PLB1: variants seen among roughly 807,000 people sequenced by gnomAD.
The protein encoded by PLB1 is phospholipase B1, membrane-associated.
In PLB1, 242 loss-of-function variants were observed where a neutral mutation model predicts 227.4. That is an observed-to-expected ratio of 1.06 (90% confidence interval 0.96 to 1.18). The LOEUF (loss-of-function observed/expected upper bound fraction) is 1.18. Ranked by LOEUF, PLB1 falls within the 50% of genes most tolerant of loss-of-function variation. The pLI is 0.00. For synonymous variants in PLB1, 757 were observed against 682.2 expected, an observed-to-expected ratio of 1.11 and a Z score of -1.71; for missense variants, 1,858 against 1,816.3, an observed-to-expected ratio of 1.02 and a Z score of -0.42.
intron 43 of PLB1, among the ~76,000 whole-genome samples, chr2:28,607,482 C>G (rs990180777): frequency 6.6e-6 from 1 of 152,156 alleles, no homozygotes; most frequent in Non-Finnish European, 1.5e-5. Flanking sequence ...TGCCATCAGC[C>G]CCATCAGGAG....
In PLB1 at chr2:28,643,163, G is replaced by T; in HGVS notation, c.*102G>T. ...ACCAGGACATGCTTCAATGCCTGGT[G>T]CCATAGGAAGCCCAGGGGACAGTCA... is the stretch of plus-strand genomic sequence containing the variant. On this transcript the variant is annotated 3_prime_UTR_variant, in exon 58 of 58. Coordinates refer to ENST00000327757, the MANE Select transcript of PLB1 (RefSeq NM_153021.5). 3 of 1,182,866 alleles carry T rather than the reference G, an allele frequency of 2.5e-6. No homozygotes were observed. In the Middle Eastern group the frequency reaches 8.8e-4, roughly 349 times the overall value. The allele number at this position is 1,182,866 out of a possible 1,614,324, so 73.3% of individuals were successfully genotyped here. A position where few individuals can be genotyped will look rare whatever the true frequency, so the allele number is the denominator to read the frequency against.
Position 28,632,511 on chromosome 2 carries a change from C to T in PLB1, c.4002+371C>T, listed in dbSNP as rs189119873. On this transcript the variant is annotated intron_variant, in intron 55 of 57. Transcript: ENST00000327757. The stretch of plus-strand genomic sequence containing the variant: ...GTCTGTTTAAAAAGAAAATTCCGGC[C>T]GGGTGCAGTGGCTCATGCCTGTAAT... Among the ~76,000 whole-genome samples the T allele has an allele frequency of 2.9e-4, 44 of 152,182 alleles. No individual in the cohort carries two copies. The East Asian group carries it at 6.9e-3, about 24-fold the overall frequency.
chr2:28,540,516 G>A (rs1205050192), intron 12 of PLB1, 75 bp downstream of exon 12: 6 of 1,224,314 alleles, frequency 4.9e-6, no homozygotes, highest in African/African-American at 4.5e-5. Context: ...GGAGTGATAG[G>A]GACAATTAGT....
intron 18 of PLB1, among the ~76,000 whole-genome samples, chr2:28,564,235 C>G (rs887747396): frequency 2.0e-5 from 3 of 152,204 alleles, no homozygotes; most frequent in African/African-American, 4.8e-5. Context: ...GAGCAAGGCC[C>G]TGTCTCTAAA....
At chr2:28,501,315 C>A (rs1382481866) in intron 1 of PLB1, among the ~76,000 whole-genome samples, 2 of 152,152 alleles carry the variant, frequency 1.3e-5, no homozygotes, top group African/African-American at 4.8e-5. Flanking sequence ...TATGACAACA[C>A]CACCAACAAC....
chr2:28,545,701 C>T (rs774159779), intron 14 of PLB1, among the ~76,000 whole-genome samples: 8 of 152,130 alleles, frequency 5.3e-5, no homozygotes, highest in Non-Finnish European at 8.8e-5. Flanking sequence ...CCTCCAGGTG[C>T]GGGGAGGGCG....
intron 6 of PLB1, among the ~76,000 whole-genome samples, chr2:28,527,416 A>T (rs1360651175): frequency 6.6e-6 from 1 of 152,204 alleles, no homozygotes; most frequent in Non-Finnish European, 1.5e-5. Context: ...CAGGAGGAGC[A>T]GGTCTTCCCA....
chr2:28,581,333 A>G (rs967808252), intron 23 of PLB1, among the ~76,000 whole-genome samples: 6 of 151,906 alleles, frequency 3.9e-5, no homozygotes, highest in African/African-American at 1.5e-4. Flanking sequence ...AGGCTCCAAG[A>G]AAAAGAGATC....
At chr2:28,598,074 C>T (rs760675420) in intron 34 of PLB1, 26 bp downstream of exon 34, 1 of 1,598,910 alleles carries the variant, frequency 6.3e-7, no homozygotes, top group Non-Finnish European at 8.6e-7. Flanking sequence ...GGGCTTGAAT[C>T]TGTCTACTGT....
chr2:28,512,852 G>A (rs1041712962), intron 1 of PLB1, among the ~76,000 whole-genome samples: 19 of 152,088 alleles, frequency 1.2e-4, no homozygotes, highest in Admixed American at 1.2e-3. Flanking sequence ...CGAAGTTGTA[G>A]CCAATTCTTA....
chr2:28,582,380 G>T, intron 24 of PLB1, 25 bp from the exon 25 acceptor site: 1 of 1,600,290 alleles, frequency 6.2e-7, no homozygotes, highest in South Asian at 1.1e-5. Flanking sequence ...TCATCCTCTT[G>T]GTGACTGAGT....
Position 28,582,518 on chromosome 2 carries a change from C to A in PLB1, c.1733+13C>A. The stretch of plus-strand genomic sequence containing the variant: ...GGATGATCCTCAGGTCAGACAGATA[C>A]TTCTCCCCGATTCTACTAAGAATCC... On this transcript the variant is annotated intron_variant, in intron 25 of 57. Transcript: ENST00000327757. The A allele has an allele frequency of 6.4e-7, 1 of 1,573,838 alleles. No individual in the cohort carries two copies. The highest frequency in any genetic ancestry group is 8.7e-7 in the Non-Finnish European group (1 of 1,151,952).
intron 4 of PLB1, among the ~76,000 whole-genome samples, chr2:28,521,375 C>T (rs1039045341): frequency 1.6e-4 from 24 of 152,202 alleles, no homozygotes; most frequent in Non-Finnish European, 3.5e-4. Flanking sequence ...ATAGTGACTG[C>T]ACTATTTTAT....
At chr2:28,589,217 A>G (rs1681450033) in intron 26 of PLB1, among the ~76,000 whole-genome samples, 2 of 152,104 alleles carry the variant, frequency 1.3e-5, no homozygotes, top group African/African-American at 4.8e-5. Flanking sequence ...CCCTTTTCAC[A>G]GACTAGCTCA....
rs577900761 is a variant in PLB1, at chr2:28,630,041, C to T, written c.3819-545C>T. ...CGGCTCCTCCAGAGTCTGTCTGTATCGTGTTCCATGTTGTCAGAGTTGCTT... is the reference window on the plus strand; with the variant it reads ...CGGCTCCTCCAGAGTCTGTCTGTATTGTGTTCCATGTTGTCAGAGTTGCTT... On this transcript the variant is annotated intron_variant, in intron 53 of 57. Coordinates refer to ENST00000327757, the MANE Select transcript of PLB1 (RefSeq NM_153021.5). Among the ~76,000 whole-genome samples the T allele has an allele frequency of 9.2e-5, 14 of 152,318 alleles. No homozygotes were observed. The East Asian group carries it at 1.9e-3, about 21-fold the overall frequency.
rs747781534 is a variant in PLB1, at chr2:28,541,793, C to T, written c.861C>T (p.Thr287=). The change falls in exon 13 of 58, where the codon ACC becomes ACT. Residue 287 remains threonine, a synonymous_variant. Coordinates refer to ENST00000327757, the MANE Select transcript of PLB1 (RefSeq NM_153021.5). ...TTTTCCAGCCTTTCTTCTATGAGAC[C>T]ACCCCATCTCTACACTCGGTAAGTG... ...TVVFQPFFYE[T]TPSLHSEDPR... 1 of 1,613,048 alleles carries T rather than the reference C, an allele frequency of 6.2e-7. No individual in the cohort carries two copies. The highest frequency in any genetic ancestry group is 1.1e-5 in the South Asian group (1 of 91,058).
At position 28,629,635 on chromosome 2, in the gene PLB1, C is replaced by T. The variant is rs750177749; in HGVS notation, c.3818+450C>T. ...ATCTGTAAAGTGGGGGTGATGACAC[C>T]TTCCCTGCAAGGTAGATGTGAGGTC... On this transcript the variant is annotated intron_variant, in intron 53 of 57. Coordinates refer to ENST00000327757, the MANE Select transcript of PLB1 (RefSeq NM_153021.5). 5.3e-5 allele frequency among the ~76,000 whole-genome samples: 8 copies of T among 152,314 alleles called. No individual in the cohort carries two copies. The East Asian group carries it at 1.5e-3, about 29-fold the overall frequency.
rs1186432177 is a variant in PLB1 at position 28,555,950 on chromosome 2, C to G, written c.1147+2959C>G. 3.3e-5 allele frequency among the ~76,000 whole-genome samples: 5 copies of G among 150,006 alleles called. No homozygotes were observed. In the Admixed American group the frequency reaches 3.3e-4, roughly 10 times the overall value. On this transcript the variant is annotated intron_variant, in intron 17 of 57. Coordinates refer to ENST00000327757, the MANE Select transcript of PLB1 (RefSeq NM_153021.5). ...GTGGTGCGATCTCACCTCACTGCAG[C>G]CTTGATCTCCCTGGCTCGAGATCCT...
At chr2:28,538,110 A>G (rs1420298498) in intron 9 of PLB1, among the ~76,000 whole-genome samples, 1 of 152,096 alleles carries the variant, frequency 6.6e-6, no homozygotes, top group African/African-American at 2.4e-5. Context: ...TCCCAGGTGG[A>G]TGATGGGTTG....
Sources: gnomAD v4.1 joint callset for allele counts (sites outside exome capture counted in the v4.1 genomes callset) on GRCh38, gnomAD v4.1.1 for gene constraint, MANE v1.5 for transcripts, NCBI Gene and HGNC (gene_info 2026-07-23, HGNC 2026-07-21) for gene names.